Variants in CSMD3 observed in about 807,000 individuals in gnomAD.
The protein encoded by CSMD3 is CUB and Sushi multiple domains 3.
CSMD3 carries 177 observed loss-of-function variants against 435.2 expected under a neutral mutation model. The observed-to-expected ratio is 0.41, with a 90% CI of 0.36 to 0.46. CSMD3 has a LOEUF of 0.46. Among genes scored for constraint, CSMD3 ranks in the 20% least tolerant of loss-of-function variants. The pLI is 0.34. For synonymous variants in CSMD3, 1,656 were observed against 1,520.5 expected, an observed-to-expected ratio of 1.09 and a Z score of -2.07; for missense variants, 4,265 against 4,504.6, an observed-to-expected ratio of 0.95 and a Z score of 1.52.
intron 1 of CSMD3, among the ~76,000 whole-genome samples, chr8:113,422,362 C>T (rs1320389001): frequency 6.6e-6 from 1 of 152,180 alleles, no homozygotes; most frequent in Non-Finnish European, 1.5e-5. Context: ...AGCAAATCTG[C>T]CGCTTTTATC....
Position 112,287,123 on chromosome 8 carries a change from G to A in CSMD3, c.9272C>T (p.Ser3091Leu), listed in dbSNP as rs773491677. Residue 3091 changes from serine (S) to leucine (L), a missense_variant, in exon 58 of 71, where the codon TCA becomes TTA. By Grantham distance (145) the Ser-to-Leu change is moderately radical. Coordinates refer to ENST00000297405, the MANE Select transcript of CSMD3 (RefSeq NM_198123.2). Reference sequence around the variant, plus strand: ...ATTAGCTAAACATGTTCTTTCTTCTGAGCCATGAAGGATGTAACCAGTATC... The same window carrying A: ...ATTAGCTAAACATGTTCTTTCTTCTAAGCCATGAAGGATGTAACCAGTATC... ...ACDTGYILHG[S>L]EERTCLANGS... 6 of 1,613,578 alleles carry A rather than the reference G, an allele frequency of 3.7e-6. No homozygotes were observed. Among genetic ancestry groups the A allele is most frequent in the Admixed American group, 1.7e-5 (1 of 59,868 alleles).
At chr8:112,840,999 A>C (rs1298587073) in intron 11 of CSMD3, among the ~76,000 whole-genome samples, 1 of 151,694 alleles carries the variant, frequency 6.6e-6, no homozygotes, top group Non-Finnish European at 1.5e-5. Flanking sequence ...AATCTTATAG[A>C]ATATAAAGTC....
intron 60 of CSMD3, among the ~76,000 whole-genome samples, chr8:112,264,581 A>C (rs1273362588): frequency 1.3e-5 from 2 of 152,084 alleles, no homozygotes; most frequent in African/African-American, 4.8e-5. Context: ...ATAACATCTA[A>C]AACATAAAAT....
intron 36 of CSMD3, among the ~76,000 whole-genome samples, chr8:112,386,863 T>A (rs887003370): frequency 6.6e-6 from 1 of 152,196 alleles, no homozygotes; most frequent in Non-Finnish European, 1.5e-5. Flanking sequence ...TTAGATATAG[T>A]TGTCCATCAT....
chr8:112,617,444 A>C (rs112535169), intron 22 of CSMD3, among the ~76,000 whole-genome samples: 1 of 152,316 alleles, frequency 6.6e-6, no homozygotes, highest in Non-Finnish European at 1.5e-5. Context: ...GATTATGTGT[A>C]AATACACCTA....
At chr8:112,808,849 A>T (rs2132373496) in intron 12 of CSMD3, among the ~76,000 whole-genome samples, 1 of 150,982 alleles carries the variant, frequency 6.6e-6, no homozygotes, top group Non-Finnish European at 1.5e-5. Flanking sequence ...CAATAAAAGG[A>T]CTCCTGAATT....
Position 112,304,935 on chromosome 8 carries a change from T to G in CSMD3, c.8072-20A>C, listed in dbSNP as rs1821281117. ...TAACAACTATACAAAAACCAAAGGG[T>G]GTAATTGCTAACAAATCACTATATC... On this transcript the variant is annotated intron_variant, in intron 51 of 70. Coordinates refer to ENST00000297405, the MANE Select transcript of CSMD3 (RefSeq NM_198123.2). 172 of 1,587,266 alleles carry G rather than the reference T, an allele frequency of 1.1e-4. No homozygotes were observed. The highest frequency in any genetic ancestry group is 1.3e-4 in the Non-Finnish European group (156 of 1,157,996).
chr8:112,466,578 T>C (rs1817976690), intron 32 of CSMD3, among the ~76,000 whole-genome samples: 1 of 152,200 alleles, frequency 6.6e-6, no homozygotes, highest in Non-Finnish European at 1.5e-5. Flanking sequence ...AAAGTCCAGA[T>C]GCCCAATGGA....
At chr8:113,356,405 A>C (rs1207292047) in intron 1 of CSMD3, among the ~76,000 whole-genome samples, 1 of 152,166 alleles carries the variant, frequency 6.6e-6, no homozygotes, top group Non-Finnish European at 1.5e-5. Flanking sequence ...GTGAAGAAAA[A>C]ATTGGTCAGC....
chr8:112,881,251 G>T (rs2081440461), intron 10 of CSMD3, among the ~76,000 whole-genome samples: 1 of 151,958 alleles, frequency 6.6e-6, no homozygotes, highest in Admixed American at 6.6e-5. Context: ...TGTCCTGAGG[G>T]TGTATATTTG....
At chr8:112,823,863 T>C (rs2079598648) in intron 12 of CSMD3, among the ~76,000 whole-genome samples, 1 of 152,158 alleles carries the variant, frequency 6.6e-6, no homozygotes, top group African/African-American at 2.4e-5. Context: ...TCAATTCAAG[T>C]TTTGAATATC....
At chr8:112,259,367 A>G (rs565994739) in intron 61 of CSMD3, among the ~76,000 whole-genome samples, 1 of 152,154 alleles carries the variant, frequency 6.6e-6, no homozygotes, top group African/African-American at 2.4e-5. Context: ...GCATATTCTC[A>G]CTCATAAGTG....
At position 112,807,488 on chromosome 8, in the gene CSMD3, A is replaced by ATAGGTAGGTAGG. The variant is rs34951713; in HGVS notation, c.1860-7226_1860-7215dup. 7.7e-5 allele frequency among the ~76,000 whole-genome samples: 10 copies of ATAGGTAGGTAGG among 129,158 alleles called. No individual in the cohort carries two copies. In the South Asian group the frequency reaches 1.0e-3, roughly 13 times the overall value. 84.7% of individuals were successfully genotyped at this position (129,158 alleles called of 152,430 possible). ...GAAGTTACTGGAGTTGCAATTCTTG[A>ATAGGTAGGTAGG]TAGGTAGGTAGGTAGGTAGGTAGGT... On this transcript the variant is annotated intron_variant, in intron 12 of 70. Transcript: ENST00000297405.
intron 3 of CSMD3, among the ~76,000 whole-genome samples, chr8:113,187,086 T>G (rs988288477): frequency 4.0e-5 from 6 of 151,884 alleles, no homozygotes; most frequent in African/African-American, 1.4e-4. Context: ...TGAGATTCTG[T>G]CTGTGAGGTG....
At chr8:112,759,991 T>A (rs968140816) in intron 13 of CSMD3, among the ~76,000 whole-genome samples, 2 of 152,118 alleles carry the variant, frequency 1.3e-5, no homozygotes, top group Admixed American at 1.3e-4. Flanking sequence ...TGAGGCAAGG[T>A]AAGTAACTCT....
intron 2 of CSMD3, among the ~76,000 whole-genome samples, chr8:113,289,290 G>C (rs531793403): frequency 6.6e-6 from 1 of 151,782 alleles, no homozygotes; most frequent in East Asian, 1.9e-4. Context: ...TCTTCTTGAC[G>C]CACTACATTA....
At chr8:112,473,821 C>T (rs1244568258) in intron 31 of CSMD3, among the ~76,000 whole-genome samples, 1 of 149,624 alleles carries the variant, frequency 6.7e-6, no homozygotes, top group Non-Finnish European at 1.5e-5. Flanking sequence ...TGGACAGGAA[C>T]TTGTACCTTT....
intron 1 of CSMD3, among the ~76,000 whole-genome samples, chr8:113,425,146 T>A (rs550376990): frequency 2.6e-5 from 4 of 151,596 alleles, no homozygotes; most frequent in African/African-American, 9.6e-5. Context: ...AGTAACCCAC[T>A]GGTTGTTTTG....
intron 59 of CSMD3, among the ~76,000 whole-genome samples, chr8:112,274,230 T>TA (rs370495711): frequency 1.8e-4 from 27 of 151,600 alleles, no homozygotes; most frequent in Admixed American, 3.9e-4. Context: ...AGAGTATATT[T>TA]AAAAAAAAGA....
Sources: allele counts gnomAD v4.1 joint callset (sites outside exome capture counted in the v4.1 genomes callset), GRCh38; gene constraint gnomAD v4.1.1; transcripts MANE v1.5; gene names NCBI Gene and HGNC (gene_info 2026-07-23, HGNC 2026-07-21).